Variants in UBA2 observed in about 807,000 individuals in gnomAD.
UBA2 encodes the protein ubiquitin like modifier activating enzyme 2.
Under a neutral mutation model 77.2 loss-of-function variants are expected in UBA2, and 11 were observed. The observed-to-expected ratio is 0.14, with a 90% CI of 0.09 to 0.24. The LOEUF (loss-of-function observed/expected upper bound fraction) is 0.24. Among genes scored for constraint, UBA2 ranks in the 10% least tolerant of loss-of-function variants. The pLI, the probability that UBA2 is intolerant of heterozygous loss-of-function variation, is 1.00. For synonymous variants in UBA2, 278 were observed against 276.7 expected, an observed-to-expected ratio of 1.00 and a Z score of -0.05; for missense variants, 487 against 781.7, an observed-to-expected ratio of 0.62 and a Z score of 4.50.
Position 34,428,385 on chromosome 19 carries a change from C to T in UBA2, c.-48C>T, listed in dbSNP as rs1397215889. The T allele has an allele frequency of 1.6e-6, 2 of 1,231,582 alleles. No individual in the cohort carries two copies. Among genetic ancestry groups the T allele is most frequent in the African/African-American group, 1.6e-5 (1 of 64,342 alleles). 76.3% of individuals were successfully genotyped at this position (1,231,582 alleles called of 1,614,324 possible). ...TTCCCCCACCCGCTTCCGGCCGCGG[C>T]TCGGTTCTCCCGCCTCCGCCTCCGC... is the stretch of plus-strand genomic sequence containing the variant. On this transcript the variant is annotated 5_prime_UTR_variant, in exon 1 of 17. Coordinates refer to ENST00000246548, the MANE Select transcript of UBA2 (RefSeq NM_005499.3).
chr19:34,460,302 G>C (rs556655504), intron 13 of UBA2, among the ~76,000 whole-genome samples, 168 bp from the exon 14 acceptor site: 2 of 152,320 alleles, frequency 1.3e-5, no homozygotes, highest in Admixed American at 1.3e-4. Context: ...ATGGAACTCA[G>C]GTGAATCCCC....
At chr19:34,465,262 C>G (rs1163570927) in intron 15 of UBA2, among the ~76,000 whole-genome samples, 3 of 152,148 alleles carry the variant, frequency 2.0e-5, no homozygotes, top group Admixed American at 2.0e-4. Context: ...TCAATATTTT[C>G]ATGAGTATAC....
At chr19:34,464,290 C>T (rs2075664049) in intron 15 of UBA2, among the ~76,000 whole-genome samples, 159 bp downstream of exon 15, 1 of 152,132 alleles carries the variant, frequency 6.6e-6, no homozygotes, top group Admixed American at 6.6e-5. Flanking sequence ...TGATGTTTGA[C>T]CTACAGAAAA....
At chr19:34,455,481 C>G (rs2075548158) in intron 12 of UBA2, among the ~76,000 whole-genome samples, 1 of 152,060 alleles carries the variant, frequency 6.6e-6, no homozygotes, top group Admixed American at 6.6e-5. Flanking sequence ...CGCTTTCTTA[C>G]CAGCTCAAGA....
At chr19:34,433,238 T>TA in intron 3 of UBA2, 110 bp from the exon 4 acceptor site, 2 of 734,230 alleles carry the variant, frequency 2.7e-6, no homozygotes, top group South Asian at 3.2e-5. Flanking sequence ...ATAATCCTGA[T>TA]ATCAGTTTTG....
At chr19:34,459,143 A>G (rs1227281247) in intron 13 of UBA2, among the ~76,000 whole-genome samples, 1 of 152,180 alleles carries the variant, frequency 6.6e-6, no homozygotes, top group Non-Finnish European at 1.5e-5. Context: ...ATTTGACTGG[A>G]ATCTGCAGCA....
At chr19:34,430,383 C>T (rs1475216571) in intron 1 of UBA2, among the ~76,000 whole-genome samples, 193 bp from the exon 2 acceptor site, 30 of 152,152 alleles carry the variant, frequency 2.0e-4, no homozygotes, top group South Asian at 2.1e-4. Flanking sequence ...TTATCTCTGA[C>T]ATTAAATCTA....
chr19:34,438,804 G>A, intron 6 of UBA2, 38 bp downstream of exon 6: 1 of 1,607,534 alleles, frequency 6.2e-7, no homozygotes, highest in Non-Finnish European at 8.5e-7. Flanking sequence ...TTTCGGTACT[G>A]ATGATGGAAA....
At chr19:34,462,609 T>C (rs542973874) in intron 14 of UBA2, among the ~76,000 whole-genome samples, 6 of 151,904 alleles carry the variant, frequency 3.9e-5, no homozygotes, top group Admixed American at 2.6e-4. Flanking sequence ...GTTTTCCTTA[T>C]AAATAATGAA....
chr19:34,458,590 A>AAAAAAAAAAAAAAAG (rs2075597835), intron 12 of UBA2, 179 bp from the exon 13 acceptor site: 1 of 200,412 alleles, frequency 5.0e-6, no homozygotes, highest in African/African-American at 3.1e-5. Context: ...AAAAAAAAAA[A>AAAAAAAAAAAAAAAG]AAGAAGGTTG....
intron 9 of UBA2, among the ~76,000 whole-genome samples, chr19:34,451,551 T>TG (rs2075497700): frequency 7.6e-6 from 1 of 132,212 alleles, no homozygotes; most frequent in South Asian, 2.7e-4. Flanking sequence ...TTTTTTTTTT[T>TG]TTTTTTTTTT....
chr19:34,454,283 T>C lies in UBA2; in HGVS notation c.1062T>C (p.Phe354=). The change falls in exon 11 of 17, where the codon TTT becomes TTC. Residue 354 remains phenylalanine (F), a synonymous_variant. Coordinates refer to ENST00000246548, the MANE Select transcript of UBA2 (RefSeq NM_005499.3). Reference sequence around the variant, plus strand: ...AGGATGACCCATCTGCAATGGATTTTGTCACCTCTGCTGCAAACCTCAGGA... The same window carrying C: ...AGGATGACCCATCTGCAATGGATTTCGTCACCTCTGCTGCAAACCTCAGGA... ...WDKDDPSAMD[F]VTSAANLRMH... 1 of 1,611,550 alleles carries C rather than the reference T, an allele frequency of 6.2e-7. No homozygotes were observed. The highest frequency in any genetic ancestry group is 8.5e-7 in the Non-Finnish European group (1 of 1,179,672).
chr19:34,431,593 G>T (rs941658376), intron 2 of UBA2, among the ~76,000 whole-genome samples: 3 of 152,138 alleles, frequency 2.0e-5, no homozygotes, highest in Non-Finnish European at 4.4e-5. Flanking sequence ...ACTTCATGTT[G>T]TATTTTTGCT....
chr19:34,468,954 C>A, intron 16 of UBA2, 86 bp from the exon 17 acceptor site: 1 of 1,154,800 alleles, frequency 8.7e-7, no homozygotes, highest in Non-Finnish European at 1.2e-6. Flanking sequence ...TTAGAAGAGT[C>A]AGCTTTCAAT....
At position 34,443,834 on chromosome 19, in the gene UBA2, T is replaced by G. The variant is rs372015863; in HGVS notation, c.582-10T>G. ...GTTATACAGAAGTATTTACTATTCT[T>G]AAATTATAGCCAGTTGTTTGGGGAA... On this transcript the variant is annotated splice_polypyrimidine_tract_variant and intron_variant, in intron 6 of 16. Transcript: ENST00000246548. 1 of 1,568,128 alleles carries G rather than the reference T, an allele frequency of 6.4e-7. No homozygotes were observed. Among genetic ancestry groups the G allele is most frequent in the Non-Finnish European group, 8.8e-7 (1 of 1,138,280 alleles).
At chr19:34,437,484 C>T (rs1011049234) in intron 5 of UBA2, among the ~76,000 whole-genome samples, 1 of 151,560 alleles carries the variant, frequency 6.6e-6, no homozygotes, top group Non-Finnish European at 1.5e-5. Context: ...GTGGCACGCA[C>T]CTGTAATCCC....
At position 34,454,270 on chromosome 19, in the gene UBA2, C is replaced by A. The variant is rs2075534492; in HGVS notation, c.1049C>A (p.Ser350Tyr). 4 of 1,610,176 alleles carry A rather than the reference C, an allele frequency of 2.5e-6. No individual in the cohort carries two copies. The highest frequency in any genetic ancestry group is 3.4e-6 in the Non-Finnish European group (4 of 1,179,224). Residue 350 changes from serine (S) to tyrosine (Y), a missense_variant, in exon 11 of 17, where the codon TCT (serine) becomes TAT (tyrosine). This residue lies in a region of UBA2 where 300 missense variants were observed against 454.3 expected (regional missense o/e 0.66). Coordinates refer to ENST00000246548, the MANE Select transcript of UBA2 (RefSeq NM_005499.3). ...AELIWDKDDP[S>Y]AMDFVTSAAN... The stretch of plus-strand genomic sequence containing the variant: ...TTAAATTATTGGCAGGATGACCCAT[C>A]TGCAATGGATTTTGTCACCTCTGCT...
intron 13 of UBA2, 70 bp downstream of exon 13, chr19:34,458,994 G>C: frequency 6.9e-7 from 1 of 1,442,116 alleles, no homozygotes; most frequent in South Asian, 1.6e-5. Flanking sequence ...ACAAACACTA[G>C]CTGCTGATTC....
chr19:34,441,892 A>T (rs995828744), intron 6 of UBA2, among the ~76,000 whole-genome samples: 1 of 150,428 alleles, frequency 6.6e-6, no homozygotes. Context: ...CTGCACTCCA[A>T]CCTGGGGGAC....
Sources: allele counts gnomAD v4.1 joint callset (sites outside exome capture counted in the v4.1 genomes callset), GRCh38; gene constraint gnomAD v4.1.1; regional missense constraint gnomAD v4.1.1; transcripts MANE v1.5; gene names NCBI Gene and HGNC (gene_info 2026-07-23, HGNC 2026-07-21).